The following ABCB5 variants were observed in gnomAD, a reference collection of about 807,000 sequenced individuals.
ABCB5 encodes the protein ATP binding cassette subfamily B member 5.
In ABCB5, 155 loss-of-function variants were observed where a neutral mutation model predicts 144.2. That is an observed-to-expected ratio of 1.08 (90% CI 0.94 to 1.23). ABCB5 has a LOEUF of 1.23. Among genes scored for constraint, ABCB5 ranks in the 50% most tolerant of loss-of-function variants. The pLI, the probability that ABCB5 is intolerant of heterozygous loss-of-function variation, is 0.00. For synonymous variants in ABCB5, 610 were observed against 528.6 expected, an observed-to-expected ratio of 1.15 and a Z score of -2.11; for missense variants, 1,830 against 1,520.8, an observed-to-expected ratio of 1.20 and a Z score of -3.38.
chr7:20,748,509 G>A (rs752552458), intron 26 of ABCB5, among the ~76,000 whole-genome samples: 23 of 152,080 alleles, frequency 1.5e-4, no homozygotes, highest in Admixed American at 9.8e-4. Context: ...AATTAGCTGG[G>A]CATGGTGGCA....
At chr7:20,680,981 T>C (rs2128038692) in intron 14 of ABCB5, among the ~76,000 whole-genome samples, 1 of 19,398 alleles carries the variant, frequency 5.2e-5, no homozygotes. Flanking sequence ...TTTCTTTCTT[T>C]CTTTCTTTCT....
chr7:20,702,848 T>C (rs1415942964), intron 19 of ABCB5, among the ~76,000 whole-genome samples: 4 of 145,170 alleles, frequency 2.8e-5, no homozygotes, highest in African/African-American at 1.1e-4. Context: ...TTTTTTTTTT[T>C]TGTATTTTTA....
At chr7:20,751,402 C>T (rs920644651) in intron 26 of ABCB5, among the ~76,000 whole-genome samples, 5 of 152,012 alleles carry the variant, frequency 3.3e-5, no homozygotes, top group East Asian at 1.9e-4. Context: ...ACCCGGGAAG[C>T]GGAGCTTGCA....
chr7:20,669,723 TAAAAAAAA>T (rs35747177), intron 14 of ABCB5, among the ~76,000 whole-genome samples: 6 of 65,584 alleles, frequency 9.1e-5, no homozygotes, highest in African/African-American at 2.7e-4. Flanking sequence ...GAATGATCAA[TAAAAAAAA>T]AAAAAAAAAA....
At chr7:20,677,054 CATG>C (rs1219832641) in intron 14 of ABCB5, among the ~76,000 whole-genome samples, 1 of 152,158 alleles carries the variant, frequency 6.6e-6, no homozygotes, top group Non-Finnish European at 1.5e-5. Flanking sequence ...TTACATCCAT[CATG>C]ATATTTGTCA....
At chr7:20,644,329 T>A (rs896503260) in intron 7 of ABCB5, among the ~76,000 whole-genome samples, 7 of 152,104 alleles carry the variant, frequency 4.6e-5, no homozygotes, top group African/African-American at 1.7e-4. Flanking sequence ...TCCGCCCACC[T>A]CGGCCCCACA....
chr7:20,737,118 A>C (rs910476549), intron 23 of ABCB5, among the ~76,000 whole-genome samples: 1 of 151,896 alleles, frequency 6.6e-6, no homozygotes, highest in Non-Finnish European at 1.5e-5. Flanking sequence ...ACATCATGCC[A>C]CTGCACTCCA....
At chr7:20,694,720 G>A (rs1275424850) in intron 16 of ABCB5, among the ~76,000 whole-genome samples, 3 of 151,850 alleles carry the variant, frequency 2.0e-5, no homozygotes, top group East Asian at 1.9e-4. Context: ...ACACATACAC[G>A]TACTAAAACT....
Position 20,723,130 on chromosome 7 carries a change from C to G in ABCB5, c.2536C>G (p.Pro846Ala), listed in dbSNP as rs756018353. 1.2e-6 allele frequency: 2 copies of G among 1,614,070 alleles called. No homozygotes were observed. Among genetic ancestry groups the G allele is most frequent in the Admixed American group, 1.7e-5 (1 of 60,014 alleles). ...EMTFLILSIA[P>A]VLAVTGMIET... ...GACATTCCTGATTCTGAGTATTGCT[C>G]CAGTACTTGCCGTGACAGGAATGAT... The change falls in exon 21 of 28, where the codon CCA (proline) becomes GCA (alanine). Residue 846 changes from proline (P) to alanine (A), a missense_variant. Physicochemically the swap from Pro to Ala is conservative, Grantham distance 27. Transcript: ENST00000404938.
intron 16 of ABCB5, among the ~76,000 whole-genome samples, chr7:20,697,590 C>T (rs937276333): frequency 6.6e-6 from 1 of 152,150 alleles, no homozygotes. Flanking sequence ...CCCTTGTCAC[C>T]TTCCACGTCT....
intron 14 of ABCB5, among the ~76,000 whole-genome samples, chr7:20,665,956 G>GGTCAGGAGTTTGA: frequency 6.6e-6 from 1 of 150,940 alleles, no homozygotes; most frequent in African/African-American, 2.4e-5. Flanking sequence ...GATCACCTAA[G>GGTCAGGAGTTTGA]GTCAGGAGTT....
intron 14 of ABCB5, among the ~76,000 whole-genome samples, chr7:20,665,942 G>C (rs1226264847): frequency 6.6e-6 from 1 of 151,980 alleles, no homozygotes; most frequent in African/African-American, 2.4e-5. Flanking sequence ...GGCAGAGACA[G>C]GCGGATCACC....
At chr7:20,689,796 G>T (rs1466221348) in intron 16 of ABCB5, among the ~76,000 whole-genome samples, 1 of 152,184 alleles carries the variant, frequency 6.6e-6, no homozygotes, top group Admixed American at 6.5e-5. Context: ...TTGCCCACTG[G>T]TAAAGGAGAA....
chr7:20,700,246 A>G, intron 19 of ABCB5, 111 bp downstream of exon 19: 2 of 981,396 alleles, frequency 2.0e-6, no homozygotes, highest in Non-Finnish European at 2.9e-6. Context: ...TTGAAAGCAC[A>G]CTCTTTTTGT....
In ABCB5 at chr7:20,643,556, T is replaced by G; in HGVS notation, c.602T>G (p.Val201Gly). The G allele has an allele frequency of 6.2e-7, 1 of 1,613,950 alleles. No homozygotes were observed. Among genetic ancestry groups the G allele is most frequent in the Non-Finnish European group, 8.5e-7 (1 of 1,179,874 alleles). The change falls in exon 7 of 28, where the codon GTG (valine) becomes GGG (glycine). Residue 201 changes from valine (V) to glycine (G), a missense_variant. Coordinates refer to ENST00000404938, the MANE Select transcript of ABCB5 (RefSeq NM_001163941.2). ...TFSIGLAVGL[V>G]KGWKLTLVTL... ...TCGATTGGCCTGGCAGTTGGTTTGG[T>G]GAAGGGCTGGAAACTCACCCTAGTG... is the stretch of plus-strand genomic sequence containing the variant.
At chr7:20,751,852 C>G (rs191169598) in intron 26 of ABCB5, among the ~76,000 whole-genome samples, 10 of 152,340 alleles carry the variant, frequency 6.6e-5, no homozygotes, top group Admixed American at 4.6e-4. Flanking sequence ...ACAGAGAAAA[C>G]AGCGAAAGTC....
intron 19 of ABCB5, among the ~76,000 whole-genome samples, chr7:20,703,673 G>C (rs1786710407): frequency 6.6e-6 from 1 of 152,084 alleles, no homozygotes; most frequent in South Asian, 2.1e-4. Context: ...TTTCCACATG[G>C]TTTTAATCTA....
At chr7:20,646,942 G>A (rs887820097) in intron 9 of ABCB5, among the ~76,000 whole-genome samples, 1 of 152,164 alleles carries the variant, frequency 6.6e-6, no homozygotes, top group African/African-American at 2.4e-5. Flanking sequence ...GTGTGGCTGG[G>A]TATCTGGCTT....
intron 14 of ABCB5, among the ~76,000 whole-genome samples, chr7:20,669,499 T>C (rs1042746030): frequency 5.7e-5 from 7 of 121,974 alleles, no homozygotes; most frequent in African/African-American, 2.1e-4. Context: ...CGGTGCAAGA[T>C]GTGCTTTGTT....
Sources: gnomAD v4.1 joint callset for allele counts (sites outside exome capture counted in the v4.1 genomes callset) on GRCh38, gnomAD v4.1.1 for gene constraint, MANE v1.5 for transcripts, NCBI Gene and HGNC (gene_info 2026-07-23, HGNC 2026-07-21) for gene names.